Variants in ABL2 observed in about 807,000 individuals in gnomAD.
The protein encoded by ABL2 is ABL proto-oncogene 2, non-receptor tyrosine kinase.
ABL2 carries 49 observed loss-of-function variants against 107.7 expected under a neutral mutation model. The ratio of observed to expected loss-of-function variants is 0.45; its 90% CI spans 0.36 to 0.58. The LOEUF (loss-of-function observed/expected upper bound fraction) is 0.58, where lower values mean the gene tolerates loss of function less well. Among genes scored for constraint, ABL2 ranks in the 20% least tolerant of loss-of-function variants. The probability of loss-of-function intolerance (pLI) is 0.00; values close to 1 mark genes in which losing one functional copy is unlikely to be tolerated. For synonymous variants in ABL2, 549 were observed against 548.6 expected (o/e 1.00, Z -0.01); for missense variants, 1,245 against 1,457.0 (o/e 0.85, Z 2.37).
intron 1 of ABL2, among the ~76,000 whole-genome samples, chr1:179,188,073 C>A (rs182365474): frequency 6.6e-6 from 1 of 152,318 alleles, no homozygotes; most frequent in African/African-American, 2.4e-5. Flanking sequence ...AGTCTAGCCT[C>A]TTCTGCCATT....
intron 1 of ABL2, among the ~76,000 whole-genome samples, chr1:179,213,178 C>T (rs1662380914): frequency 6.6e-6 from 1 of 151,042 alleles, no homozygotes. Context: ...TTATTTAAAA[C>T]ATGTAATCAA....
chr1:179,143,392 A>G (rs1557952020), intron 1 of ABL2, among the ~76,000 whole-genome samples: 2 of 152,220 alleles, frequency 1.3e-5, no homozygotes, highest in African/African-American at 4.8e-5. Flanking sequence ...TTATAGGGAG[A>G]TGATGAGGTG....
intron 1 of ABL2, among the ~76,000 whole-genome samples, chr1:179,172,640 TTAAAA>T (rs1432797575): frequency 6.6e-6 from 1 of 152,072 alleles, no homozygotes; most frequent in Non-Finnish European, 1.5e-5. Context: ...GGATACAGAG[TTAAAA>T]TAAAAGCAAT....
intron 1 of ABL2, chr1:179,184,373 G>T: frequency 3.9e-6 from 3 of 762,746 alleles, no homozygotes; most frequent in Non-Finnish European, 6.3e-6. Flanking sequence ...AGGATGCGAT[G>T]AAACATTCAA....
chr1:179,139,937 T>C (rs571145288), intron 1 of ABL2, among the ~76,000 whole-genome samples: 1 of 152,186 alleles, frequency 6.6e-6, no homozygotes. Flanking sequence ...AAAAATTGAC[T>C]TCCATGAAAC....
intron 1 of ABL2, among the ~76,000 whole-genome samples, chr1:179,228,868 C>T (rs369067747): frequency 6.6e-6 from 1 of 152,178 alleles, no homozygotes; most frequent in South Asian, 2.1e-4. Flanking sequence ...CCTTCACTAA[C>T]GACGGGTTTA....
intron 10 of ABL2, 37 bp downstream of exon 10, chr1:179,112,272 G>C: frequency 6.4e-7 from 1 of 1,565,104 alleles, no homozygotes; most frequent in South Asian, 1.1e-5. Flanking sequence ...CCACTACCCA[G>C]AATTAGTCAC....
chr1:179,181,269 G>A lies in ABL2; in HGVS notation c.158-47895C>T, dbSNP rs1660360519. Among the ~76,000 whole-genome samples, 2 of 152,318 alleles carry A rather than the reference G, an allele frequency of 1.3e-5. 1 individual carries two copies. Among genetic ancestry groups the A allele is most frequent in the Non-Finnish European group, 2.9e-5 (2 of 68,024 alleles). Reference sequence around the variant, plus strand: ...CCCCTCCAACATTGCCCTAAGATTAGAGTCTGAAGATTTCTGAAGAGGAAA... The same window carrying A: ...CCCCTCCAACATTGCCCTAAGATTAAAGTCTGAAGATTTCTGAAGAGGAAA... On this transcript the variant is annotated intron_variant, in intron 1 of 11. Coordinates refer to ENST00000502732, the MANE Select transcript of ABL2 (RefSeq NM_007314.4).
chr1:179,175,331 T>A (rs1460506934), intron 1 of ABL2, among the ~76,000 whole-genome samples: 1 of 148,224 alleles, frequency 6.7e-6, no homozygotes, highest in Non-Finnish European at 1.5e-5. Context: ...AGGCAAGATG[T>A]TAGACCAGGC....
intron 9 of ABL2, among the ~76,000 whole-genome samples, chr1:179,114,163 G>A (rs1327535701): frequency 6.6e-6 from 1 of 152,114 alleles, no homozygotes. Flanking sequence ...GCTGAGGCAG[G>A]AGAATCGCTT....
rs12759699 is a variant in ABL2 at position 179,104,664 on chromosome 1, T to C, written c.*3054A>G. 3,409 of 207,710 alleles carry C rather than the reference T, an allele frequency of 0.016. 34 individuals carry two copies. The highest frequency in any genetic ancestry group is 0.025 in the Non-Finnish European group (2,526 of 101,994). The allele number at this position is 207,710 out of a possible 1,614,324, so 12.9% of individuals were successfully genotyped here. ...AAGCCTTTTAAGAAAATACTTTAGGTAAAGCACAATCAAGATGTATTCAAC... is the reference window on the plus strand; with the variant it reads ...AAGCCTTTTAAGAAAATACTTTAGGCAAAGCACAATCAAGATGTATTCAAC... On this transcript the variant is annotated 3_prime_UTR_variant, in exon 12 of 12. Coordinates refer to ENST00000502732, the MANE Select transcript of ABL2 (RefSeq NM_007314.4).
chr1:179,113,569 T>G (rs980075630), intron 9 of ABL2, among the ~76,000 whole-genome samples: 9 of 151,928 alleles, frequency 5.9e-5, no homozygotes, highest in African/African-American at 1.9e-4. Context: ...GGAGACTGAG[T>G]CGGGCAGATC....
chr1:179,188,295 A>G (rs1264522556), intron 1 of ABL2, among the ~76,000 whole-genome samples: 6 of 152,186 alleles, frequency 3.9e-5, no homozygotes, highest in Admixed American at 3.9e-4. Flanking sequence ...TAATCCCAGC[A>G]CTGTGGGAAG....
At chr1:179,181,854 C>T (rs890566709) in intron 1 of ABL2, among the ~76,000 whole-genome samples, 1 of 151,670 alleles carries the variant, frequency 6.6e-6, no homozygotes, top group African/African-American at 2.4e-5. Flanking sequence ...GATCTCGGCT[C>T]ACTGCAACTT....
intron 1 of ABL2, among the ~76,000 whole-genome samples, chr1:179,158,607 G>C (rs980542466): frequency 2.6e-5 from 4 of 152,204 alleles, no homozygotes; most frequent in Admixed American, 2.0e-4. Flanking sequence ...ACTAACGTAA[G>C]TCCTTTTCCA....
intron 1 of ABL2, among the ~76,000 whole-genome samples, chr1:179,145,580 A>G (rs970759372): frequency 2.6e-5 from 4 of 152,216 alleles, no homozygotes; most frequent in Non-Finnish European, 4.4e-5. Flanking sequence ...GGAAAAGTGC[A>G]TTACTTTAAT....
At chr1:179,226,184 T>A (rs965113988) in intron 1 of ABL2, among the ~76,000 whole-genome samples, 2 of 151,966 alleles carry the variant, frequency 1.3e-5, no homozygotes, top group Non-Finnish European at 2.9e-5. Context: ...ATACTAGTCT[T>A]TGGCAATAAA....
At chr1:179,224,770 C>G (rs1663098352) in intron 1 of ABL2, among the ~76,000 whole-genome samples, 1 of 149,362 alleles carries the variant, frequency 6.7e-6, no homozygotes, top group Non-Finnish European at 1.5e-5. Flanking sequence ...AATCCCAGCA[C>G]TTTGGGAGGC....
intron 1 of ABL2, among the ~76,000 whole-genome samples, chr1:179,186,263 G>A (rs1348774728): frequency 2.0e-5 from 3 of 152,064 alleles, no homozygotes; most frequent in Non-Finnish European, 4.4e-5. Flanking sequence ...AATTGGCAAT[G>A]CCCTCTTCTG....
Sources: gnomAD v4.1 joint callset for allele counts (sites outside exome capture counted in the v4.1 genomes callset) on GRCh38, gnomAD v4.1.1 for gene constraint, MANE v1.5 for transcripts, NCBI Gene and HGNC (gene_info 2026-07-23, HGNC 2026-07-21) for gene names.